The following LIPC variants were observed in gnomAD, a reference collection of about 807,000 sequenced individuals.
LIPC encodes lipase C, hepatic type.
LIPC carries 44 observed loss-of-function variants against 50.7 expected under a neutral mutation model. The observed-to-expected ratio is 0.87, with a 90% CI of 0.68 to 1.11. The LOEUF is 1.11. Ranked by LOEUF, LIPC falls within the 50% of genes most tolerant of loss-of-function variation. LIPC has a pLI of 0.00. For synonymous variants in LIPC, 271 were observed against 256.4 expected (o/e 1.06, Z -0.54); for missense variants, 697 against 648.2 (o/e 1.08, Z -0.82).
chr15:58,535,900 A>T (rs1423800008), intron 1 of LIPC, among the ~76,000 whole-genome samples: 1 of 152,218 alleles, frequency 6.6e-6, no homozygotes, highest in African/African-American at 2.4e-5. Flanking sequence ...AATGAGCTAC[A>T]TTAGGTCCAA....
At position 58,471,336 on chromosome 15, in the gene LIPC, G is replaced by GGGGGGC. The variant is rs35752762; in HGVS notation, c.88+39217_88+39218insGGGGCG. Among the ~76,000 whole-genome samples, 657 of 134,996 alleles carry GGGGGGC rather than the reference G, an allele frequency of 4.9e-3. 10 individuals carry two copies. The highest frequency in any genetic ancestry group is 0.02 in the African/African-American group (628 of 30,892). The allele number at this position is 134,996 out of a possible 152,430, so 88.6% of individuals were successfully genotyped here. ...TGTATTTTTAGTAGAGATGGGGGGG[G>GGGGGGC]GTGGTCTCACCATGTTGGCCAAGCT... On this transcript the variant is annotated intron_variant, in intron 1 of 8. Transcript: ENST00000299022.
intron 8 of LIPC, among the ~76,000 whole-genome samples, chr15:58,564,732 AAAT>A (rs1309635794): frequency 4.6e-5 from 7 of 151,982 alleles, no homozygotes; most frequent in African/African-American, 9.7e-5. Context: ...CCGTCTCAAA[AAAT>A]AATAATAATA....
In LIPC at chr15:58,548,478, C is replaced by T. The variant is rs1439306846; in HGVS notation, c.957C>T (p.Gly319=). The change falls in exon 6 of 9, where the codon GGC becomes GGT. Residue 319 remains glycine, a synonymous_variant. Coordinates refer to ENST00000299022, the MANE Select transcript of LIPC (RefSeq NM_000236.3). ...SQGLCLSCKK[G]RCNTLGYHVR... ...GCCTGTGCCTGAGCTGCAAGAAGGGCCGCTGCAACACGCTGGGCTACCACG... is the reference window on the plus strand; with the variant it reads ...GCCTGTGCCTGAGCTGCAAGAAGGGTCGCTGCAACACGCTGGGCTACCACG... The T allele has an allele frequency of 1.2e-6, 2 of 1,611,956 alleles. No homozygotes were observed. The highest frequency in any genetic ancestry group is 1.3e-5 in the African/African-American group (1 of 75,044).
chr15:58,463,782 T>TGCTCATCAA (rs1894436650), intron 1 of LIPC, among the ~76,000 whole-genome samples: 1 of 152,190 alleles, frequency 6.6e-6, no homozygotes, highest in South Asian at 2.1e-4. Context: ...TCAACCTCTC[T>TGCTCATCAA]GCTCATCAAA....
chr15:58,452,286 C>A (rs1566911669), intron 1 of LIPC, among the ~76,000 whole-genome samples: 1 of 152,178 alleles, frequency 6.6e-6, no homozygotes, highest in Non-Finnish European at 1.5e-5. Flanking sequence ...TTTTAACGCA[C>A]CCTCTGGGTG....
At position 58,552,203 on chromosome 15, in the gene LIPC, G is replaced by C. The variant is rs1453579053; in HGVS notation, c.1051+3631G>C. On this transcript the variant is annotated intron_variant, in intron 6 of 8. Transcript: ENST00000299022. ...GGGGCCCTCGGGGGGCACTCTGCCC[G>C]GGCACTGGGCTGGATGTGTTGTACA... Among the ~76,000 whole-genome samples, 3 of 152,180 alleles carry C rather than the reference G, an allele frequency of 2.0e-5. No homozygotes were observed. The East Asian group carries it at 5.8e-4, about 29-fold the overall frequency.
chr15:58,514,075 G>A (rs572308223), intron 1 of LIPC, among the ~76,000 whole-genome samples: 1 of 152,308 alleles, frequency 6.6e-6, no homozygotes, highest in East Asian at 1.9e-4. Flanking sequence ...TGACAACAGA[G>A]TGGTACAGTA....
chr15:58,519,740 T>C (rs1033070689), intron 1 of LIPC, among the ~76,000 whole-genome samples: 3 of 152,236 alleles, frequency 2.0e-5, no homozygotes, highest in African/African-American at 7.2e-5. Flanking sequence ...GGGTGGTGTA[T>C]TGTGTCTCCT....
chr15:58,548,703 G>T, intron 6 of LIPC, 131 bp downstream of exon 6: 1 of 1,270,074 alleles, frequency 7.9e-7, no homozygotes, highest in Non-Finnish European at 1.1e-6. Context: ...AAACTGTGCA[G>T]GCTCCAGACA....
chr15:58,567,588 T>C (rs375638843), intron 8 of LIPC, among the ~76,000 whole-genome samples: 1 of 151,870 alleles, frequency 6.6e-6, no homozygotes. Context: ...CTATACATAA[T>C]AAGTAAATAG....
At chr15:58,516,219 A>AC (rs1394228226) in intron 1 of LIPC, among the ~76,000 whole-genome samples, 1 of 116,636 alleles carries the variant, frequency 8.6e-6, no homozygotes, top group Non-Finnish European at 1.9e-5. Flanking sequence ...ATGCAGTTTG[A>AC]CTTTTTACCT....
At chr15:58,471,122 T>A (rs1052338585) in intron 1 of LIPC, among the ~76,000 whole-genome samples, 155 of 150,886 alleles carry the variant, frequency 1.0e-3, no homozygotes, top group African/African-American at 3.6e-3. Context: ...TAGGATTTTT[T>A]TTTTCTTTTC....
At chr15:58,447,878 A>G (rs1893756235) in intron 1 of LIPC, among the ~76,000 whole-genome samples, 1 of 152,216 alleles carries the variant, frequency 6.6e-6, no homozygotes, top group Non-Finnish European at 1.5e-5. Context: ...AGCTAAATAT[A>G]AGGCAGTGTT....
At chr15:58,492,760 T>G (rs183429488) in intron 1 of LIPC, among the ~76,000 whole-genome samples, 1 of 152,294 alleles carries the variant, frequency 6.6e-6, no homozygotes, top group Admixed American at 6.5e-5. Context: ...GTTTTAAAGT[T>G]TCACTCACCC....
intron 1 of LIPC, among the ~76,000 whole-genome samples, chr15:58,480,376 CCT>C (rs1891144951): frequency 6.6e-6 from 1 of 152,168 alleles, no homozygotes; most frequent in African/African-American, 2.4e-5. Context: ...CTCACTGCAA[CCT>C]CTGTTTCCTG....
At chr15:58,551,003 AT>A (rs1893738733) in intron 6 of LIPC, among the ~76,000 whole-genome samples, 1 of 149,240 alleles carries the variant, frequency 6.7e-6, no homozygotes. Flanking sequence ...CGCCCAGCTA[AT>A]TTTTGTATTT....
intron 1 of LIPC, among the ~76,000 whole-genome samples, chr15:58,505,238 G>A (rs1333978305): frequency 6.6e-6 from 1 of 152,210 alleles, no homozygotes; most frequent in Admixed American, 6.5e-5. Flanking sequence ...AGCAGACGGA[G>A]GCCACATGCC....
intron 1 of LIPC, among the ~76,000 whole-genome samples, chr15:58,501,270 T>G (rs1481584373): frequency 6.6e-6 from 1 of 152,136 alleles, no homozygotes; most frequent in East Asian, 1.9e-4. Context: ...TGGGAGGGAT[T>G]TAAGGTGGCT....
Position 58,542,644 on chromosome 15 carries a change from A to T in LIPC, c.567A>T (p.Arg189Ser). The T allele has an allele frequency of 6.2e-7, 1 of 1,607,564 alleles. No individual in the cohort carries two copies. Among genetic ancestry groups the T allele is most frequent in the Non-Finnish European group, 8.5e-7 (1 of 1,174,274 alleles). The change falls in exon 4 of 9, where the codon AGA (arginine) becomes AGT (serine). Residue 189 changes from arginine to serine, a missense_variant. Arg to Ser is a moderately radical substitution (Grantham distance 110). Transcript: ENST00000299022. ...SSIGGTHKIG[R>S]ITGLDAAGPL... ...TCGGTGGAACGCACAAGATTGGGAG[A>T]ATCACAGGTAACCATGCCTAATAAC...
Sources: gnomAD v4.1 joint callset for allele counts (sites outside exome capture counted in the v4.1 genomes callset) on GRCh38, gnomAD v4.1.1 for gene constraint, MANE v1.5 for transcripts, NCBI Gene and HGNC (gene_info 2026-07-23, HGNC 2026-07-21) for gene names.